The following CNTLN variants were observed in gnomAD, a reference collection of about 807,000 sequenced individuals.
CNTLN encodes the protein centlein, centrosomal protein.
CNTLN carries 212 observed loss-of-function variants against 180.0 expected under a neutral mutation model. The observed-to-expected ratio is 1.18, with a 90% CI of 1.05 to 1.32. The LOEUF is 1.32. Ranked by LOEUF, CNTLN falls within the 40% of genes most tolerant of loss-of-function variation. The probability of loss-of-function intolerance (pLI) is 0.00; values close to 1 mark genes in which losing one functional copy is unlikely to be tolerated. For synonymous variants in CNTLN, 722 were observed against 563.1 expected, an observed-to-expected ratio of 1.28 and a Z score of -3.99; for missense variants, 2,095 against 1,610.9, an observed-to-expected ratio of 1.30 and a Z score of -5.14.
At chr9:17,275,882 C>CA (rs1828278129) in intron 6 of CNTLN, among the ~76,000 whole-genome samples, 1 of 151,940 alleles carries the variant, frequency 6.6e-6, no homozygotes, top group Non-Finnish European at 1.5e-5. Flanking sequence ...AATGCAGGAA[C>CA]AAAAAACCAA....
intron 16 of CNTLN, among the ~76,000 whole-genome samples, chr9:17,411,801 C>T (rs1024206609): frequency 6.6e-6 from 1 of 152,102 alleles, no homozygotes; most frequent in African/African-American, 2.4e-5. Context: ...ACTCCACCCC[C>T]TATCCATGCA....
intron 2 of CNTLN, among the ~76,000 whole-genome samples, chr9:17,159,668 A>G (rs1254254389): frequency 6.6e-6 from 1 of 152,100 alleles, no homozygotes; most frequent in African/African-American, 2.4e-5. Flanking sequence ...AAAACCCTCC[A>G]ACTGGGAACA....
chr9:17,415,903 A>G, intron 17 of CNTLN, 22 bp downstream of exon 17: 1 of 1,589,064 alleles, frequency 6.3e-7, no homozygotes, highest in Non-Finnish European at 8.6e-7. Flanking sequence ...TATGCAATTA[A>G]CAATATGTCT....
chr9:17,215,728 T>C (rs930757687), intron 2 of CNTLN, among the ~76,000 whole-genome samples: 1 of 152,086 alleles, frequency 6.6e-6, no homozygotes, highest in Non-Finnish European at 1.5e-5. Flanking sequence ...CCGCTTTGTT[T>C]ACCTACTCAA....
At chr9:17,334,961 G>A (rs1185763628) in intron 10 of CNTLN, among the ~76,000 whole-genome samples, 1 of 151,224 alleles carries the variant, frequency 6.6e-6, no homozygotes, top group Non-Finnish European at 1.5e-5. Context: ...AGAGAGCCAG[G>A]AGAGCTGATG....
intron 18 of CNTLN, among the ~76,000 whole-genome samples, chr9:17,440,829 G>A (rs1830065308): frequency 6.6e-6 from 1 of 152,092 alleles, no homozygotes; most frequent in Non-Finnish European, 1.5e-5. Flanking sequence ...AGTGGAAGAA[G>A]CTAATAATAA....
chr9:17,320,071 AG>A (rs1819802069), intron 8 of CNTLN, among the ~76,000 whole-genome samples: 2 of 152,246 alleles, frequency 1.3e-5, no homozygotes, highest in Admixed American at 1.3e-4. Flanking sequence ...AGAGGACAAG[AG>A]AGAAAGCCAG....
At chr9:17,355,638 C>T (rs1488654731) in intron 12 of CNTLN, among the ~76,000 whole-genome samples, 3 of 152,114 alleles carry the variant, frequency 2.0e-5, no homozygotes, top group African/African-American at 7.2e-5. Context: ...GGTCCAGTTT[C>T]ATTTTTTACA....
intron 6 of CNTLN, among the ~76,000 whole-genome samples, chr9:17,280,866 C>T (rs922605255): frequency 2.6e-5 from 4 of 152,256 alleles, no homozygotes; most frequent in Middle Eastern, 6.8e-3. Flanking sequence ...GTTATCCTCA[C>T]GTGATGGAGT....
intron 5 of CNTLN, among the ~76,000 whole-genome samples, chr9:17,254,136 T>C (rs1486584177): frequency 6.6e-6 from 1 of 151,642 alleles, no homozygotes; most frequent in African/African-American, 2.4e-5. Flanking sequence ...CAGTTGAACA[T>C]ATTTGTATTA....
intron 5 of CNTLN, among the ~76,000 whole-genome samples, chr9:17,255,561 CT>C (rs35858477): frequency 4.0e-5 from 6 of 151,508 alleles, no homozygotes; most frequent in Non-Finnish European, 7.4e-5. Context: ...GTTATGTAAC[CT>C]TTTTTGCTAG....
In CNTLN at chr9:17,484,404, C is replaced by G; in HGVS notation, c.3965C>G (p.Ala1322Gly). Residue 1322 changes from alanine (A) to glycine (G), a missense_variant, in exon 24 of 26, where the codon GCC becomes GGC. By Grantham distance (60) the Ala-to-Gly change is moderately conservative. Coordinates refer to ENST00000380647, the MANE Select transcript of CNTLN (RefSeq NM_017738.4). ...GCCTGTAAAACCTCAACCCATAAAGCCCAGACCTTGGCAGCTTCTATCCTG... is the reference window on the plus strand; with the variant it reads ...GCCTGTAAAACCTCAACCCATAAAGGCCAGACCTTGGCAGCTTCTATCCTG... ...RDACKTSTHKAQTLAASILNI... is the reference protein window; with the variant it reads ...RDACKTSTHKGQTLAASILNI... 2 of 1,612,366 alleles carry G rather than the reference C, an allele frequency of 1.2e-6. No homozygotes were observed. The highest frequency in any genetic ancestry group is 1.7e-6 in the Non-Finnish European group (2 of 1,179,424).
intron 8 of CNTLN, among the ~76,000 whole-genome samples, chr9:17,324,086 A>T (rs1264971156): frequency 6.6e-6 from 1 of 152,208 alleles, no homozygotes; most frequent in African/African-American, 2.4e-5. Context: ...TATAGAGATG[A>T]TAATGTATAA....
At chr9:17,190,337 AT>A (rs890659989) in intron 2 of CNTLN, among the ~76,000 whole-genome samples, 20 of 151,928 alleles carry the variant, frequency 1.3e-4, no homozygotes, top group African/African-American at 4.8e-4. Context: ...CTAGAAGTTA[AT>A]TCAGCTTTGT....
chr9:17,253,273 A>C (rs1235827288), intron 5 of CNTLN, among the ~76,000 whole-genome samples: 1 of 151,694 alleles, frequency 6.6e-6, no homozygotes, highest in Non-Finnish European at 1.5e-5. Flanking sequence ...GTTCCATATC[A>C]ATTTTAGAAT....
chr9:17,443,411 G>T (rs1830220631), intron 18 of CNTLN, among the ~76,000 whole-genome samples: 2 of 152,188 alleles, frequency 1.3e-5, no homozygotes, highest in South Asian at 4.1e-4. Context: ...AGCAGGTATT[G>T]TGTGGTATCT....
chr9:17,357,437 T>C (rs1822937810), intron 12 of CNTLN, among the ~76,000 whole-genome samples: 1 of 151,612 alleles, frequency 6.6e-6, no homozygotes. Flanking sequence ...TTTCAATGTT[T>C]ATCCCTTAGG....
At chr9:17,326,306 A>T (rs1301341400) in intron 8 of CNTLN, among the ~76,000 whole-genome samples, 1 of 152,100 alleles carries the variant, frequency 6.6e-6, no homozygotes, top group African/African-American at 2.4e-5. Flanking sequence ...ATTAGAGAAA[A>T]AAATTTATTT....
chr9:17,135,379 T>C lies in CNTLN; in HGVS notation c.314T>C (p.Leu105Pro). ...GCGATGGTGACCCGGACGCAGCTGCTGGAGGAAGAGCTGAGCAGCCTAAAG... is the reference window on the plus strand; with the variant it reads ...GCGATGGTGACCCGGACGCAGCTGCCGGAGGAAGAGCTGAGCAGCCTAAAG... The part of the protein sequence containing the change: ...EEAMVTRTQL[L>P]EEELSSLKEE... Residue 105 changes from leucine (L) to proline (P), a missense_variant, in exon 1 of 26, where the codon CTG (leucine) becomes CCG (proline). Coordinates refer to ENST00000380647, the MANE Select transcript of CNTLN (RefSeq NM_017738.4). 6.3e-7 allele frequency: 1 copy of C among 1,599,394 alleles called. No individual in the cohort carries two copies. The highest frequency in any genetic ancestry group is 8.5e-7 in the Non-Finnish European group (1 of 1,174,048).
Sources: gnomAD v4.1 joint callset for allele counts (sites outside exome capture counted in the v4.1 genomes callset) on GRCh38, gnomAD v4.1.1 for gene constraint, MANE v1.5 for transcripts, NCBI Gene and HGNC (gene_info 2026-07-23, HGNC 2026-07-21) for gene names.